Variants in CDK7 observed in about 807,000 individuals in gnomAD.
The protein encoded by CDK7 is cyclin-dependent kinase 7.
Under a neutral mutation model 49.1 loss-of-function variants are expected in CDK7, and 25 were observed. The ratio of observed to expected loss-of-function variants is 0.51; its 90% CI spans 0.37 to 0.71. The LOEUF is 0.71. Among genes scored for constraint, CDK7 ranks in the 30% least tolerant of loss-of-function variants. The pLI, the probability that CDK7 is intolerant of heterozygous loss-of-function variation, is 0.00. For synonymous variants in CDK7, 107 were observed against 140.0 expected (o/e 0.76, Z 1.67); for missense variants, 316 against 411.7 (o/e 0.77, Z 2.01).
chr5:69,249,935 G>A (rs1172826108), intron 2 of CDK7, among the ~76,000 whole-genome samples: 1 of 152,208 alleles, frequency 6.6e-6, no homozygotes, highest in Non-Finnish European at 1.5e-5. Context: ...ATTCTTTCAA[G>A]TATTTGTTGA....
In CDK7 at chr5:69,276,835, C is replaced by T. The variant is rs1752198450; in HGVS notation, c.1012+145C>T. 5.1e-6 allele frequency: 4 copies of T among 784,096 alleles called. No individual in the cohort carries two copies. The South Asian group carries it at 7.8e-5, about 15-fold the overall frequency. 48.6% of individuals were successfully genotyped at this position (784,096 alleles called of 1,614,324 possible). On this transcript the variant is annotated intron_variant, in intron 11 of 11. Transcript: ENST00000256443. ...AATTTAATTGTATAAAGTAGAGAGA[C>T]TGTGCCGTTTTAGGTATGTTTACTT...
At chr5:69,263,230 T>C (rs937869700) in intron 8 of CDK7, among the ~76,000 whole-genome samples, 1 of 151,212 alleles carries the variant, frequency 6.6e-6, no homozygotes, top group South Asian at 2.1e-4. Flanking sequence ...GGTAAAGGGA[T>C]ACAGGGGAAT....
intron 9 of CDK7, among the ~76,000 whole-genome samples, chr5:69,271,676 TA>T (rs1207253519): frequency 6.6e-6 from 1 of 152,026 alleles, no homozygotes; most frequent in East Asian, 1.9e-4. Context: ...CACGCCCAGC[TA>T]GTTTTTGTGT....
At chr5:69,262,338 G>A (rs1694217132) in intron 8 of CDK7, 34 bp downstream of exon 8, 2 of 1,613,384 alleles carry the variant, frequency 1.2e-6, no homozygotes, top group East Asian at 2.2e-5. Flanking sequence ...CTTTAATATT[G>A]TTGTTGCAGT....
At chr5:69,240,615 A>C (rs963303708) in intron 2 of CDK7, among the ~76,000 whole-genome samples, 2 of 152,192 alleles carry the variant, frequency 1.3e-5, no homozygotes. Context: ...TAAGAATTTT[A>C]AAATCAACTG....
chr5:69,264,992 G>A (rs1751051700), intron 8 of CDK7, among the ~76,000 whole-genome samples: 4 of 147,412 alleles, frequency 2.7e-5, no homozygotes, highest in South Asian at 2.2e-4. Context: ...GGCCAGGCAC[G>A]GTGGCTCACG....
chr5:69,243,826 GTTTTT>G (rs747576681), intron 2 of CDK7, among the ~76,000 whole-genome samples: 9 of 66,402 alleles, frequency 1.4e-4, no homozygotes, highest in African/African-American at 4.4e-4. Flanking sequence ...AATGATAGTT[GTTTTT>G]TTTTTTTTTT....
In CDK7 at chr5:69,234,939, C is replaced by G; in HGVS notation, c.-37C>G. 1.3e-6 allele frequency: 2 copies of G among 1,565,890 alleles called. No homozygotes were observed. The highest frequency in any genetic ancestry group is 1.7e-6 in the Non-Finnish European group (2 of 1,153,320). Reference sequence around the variant, plus strand: ...TTAAATTCGTGTTGTCCTGGGAGCTCGCCCTTTTCGGCTGGAGTCGGGCTT... The same window carrying G: ...TTAAATTCGTGTTGTCCTGGGAGCTGGCCCTTTTCGGCTGGAGTCGGGCTT... On this transcript the variant is annotated 5_prime_UTR_variant, in exon 1 of 12. Coordinates refer to ENST00000256443, the MANE Select transcript of CDK7 (RefSeq NM_001799.4).
intron 2 of CDK7, among the ~76,000 whole-genome samples, chr5:69,241,614 G>A (rs1398982590): frequency 3.3e-5 from 5 of 152,080 alleles, no homozygotes; most frequent in African/African-American, 7.2e-5. Context: ...ATGAGCCAAC[G>A]GGCCCGGCCC....
At chr5:69,238,323 T>C (rs1363435359) in intron 2 of CDK7, among the ~76,000 whole-genome samples, 8 of 151,710 alleles carry the variant, frequency 5.3e-5, no homozygotes, top group African/African-American at 1.7e-4. Context: ...TGCTGTGTGT[T>C]TCCCTGGCTG....
chr5:69,263,308 A>T (rs1333697042), intron 8 of CDK7, among the ~76,000 whole-genome samples: 5 of 152,182 alleles, frequency 3.3e-5, no homozygotes, highest in Admixed American at 2.0e-4. Context: ...AGCCATATGT[A>T]TTTAAAGAAA....
At chr5:69,249,466 C>T (rs192662529) in intron 2 of CDK7, among the ~76,000 whole-genome samples, 3 of 152,114 alleles carry the variant, frequency 2.0e-5, no homozygotes, top group African/African-American at 7.2e-5. Context: ...TGGCTTTAGC[C>T]TGGGAGGCGG....
chr5:69,258,078 A>T lies in CDK7; in HGVS notation c.333A>T (p.Pro111=), dbSNP rs990404187. The T allele has an allele frequency of 5.0e-6, 8 of 1,596,062 alleles. No homozygotes were observed. Among genetic ancestry groups the T allele is most frequent in the Non-Finnish European group, 6.0e-6 (7 of 1,166,642 alleles). ...IIKDNSLVLT[P]SHIKAYMLMT... The stretch of plus-strand genomic sequence containing the variant: ...AGGATAATAGTCTTGTGCTGACACC[A>T]TCACACATCAAAGCCTACATGTTGA... Residue 111 remains proline (P), a synonymous_variant, in exon 6 of 12, where the codon CCA becomes CCT. Transcript: ENST00000256443.
intron 2 of CDK7, among the ~76,000 whole-genome samples, chr5:69,243,906 C>T (rs998646302): frequency 7.1e-6 from 1 of 140,224 alleles, no homozygotes; most frequent in Non-Finnish European, 1.5e-5. Flanking sequence ...AATCTCAGCT[C>T]ACTGCAACCT....
At chr5:69,260,964 C>T (rs972592010) in intron 7 of CDK7, among the ~76,000 whole-genome samples, 3 of 152,146 alleles carry the variant, frequency 2.0e-5, no homozygotes, top group Admixed American at 1.3e-4. Flanking sequence ...GCCACAGGCA[C>T]GCCCCACCAT....
At chr5:69,276,010 A>G (rs1752095155) in intron 10 of CDK7, among the ~76,000 whole-genome samples, 1 of 152,116 alleles carries the variant, frequency 6.6e-6, no homozygotes, top group Non-Finnish European at 1.5e-5. Context: ...TTAATTATGG[A>G]AAAATTAGAA....
intron 2 of CDK7, among the ~76,000 whole-genome samples, chr5:69,236,954 C>CTTTTTTT (rs4053029): frequency 1.2e-5 from 1 of 84,266 alleles, no homozygotes; most frequent in Non-Finnish European, 2.3e-5. Context: ...GCCTGGCCTT[C>CTTTTTTT]TTTTTTTTTT....
intron 2 of CDK7, among the ~76,000 whole-genome samples, chr5:69,241,773 T>A (rs559861086): frequency 1.3e-5 from 2 of 152,368 alleles, no homozygotes; most frequent in East Asian, 3.9e-4. Flanking sequence ...TTTTTTCATA[T>A]AGAGTTGTTT....
intron 2 of CDK7, among the ~76,000 whole-genome samples, chr5:69,238,359 A>G (rs1280397453): frequency 6.7e-6 from 1 of 148,426 alleles, no homozygotes; most frequent in Non-Finnish European, 1.5e-5. Context: ...ATCATAGCTC[A>G]CTGAAGCCTT....
Sources: gnomAD v4.1 joint callset for allele counts (sites outside exome capture counted in the v4.1 genomes callset) on GRCh38, gnomAD v4.1.1 for gene constraint, MANE v1.5 for transcripts, NCBI Gene and HGNC (gene_info 2026-07-23, HGNC 2026-07-21) for gene names.